The following ANKS1B variants were observed in gnomAD, a reference collection of about 807,000 sequenced individuals.
The protein encoded by ANKS1B is ankyrin repeat and sterile alpha motif domain containing 1B, also known as ankyrin repeat and sterile alpha motif domain-containing protein 1B.
A neutral mutation model predicts 148.3 loss-of-function variants in ANKS1B; 36 were observed. That is an observed-to-expected ratio of 0.24 (90% CI 0.19 to 0.32). The LOEUF is 0.32. Ranked by LOEUF, ANKS1B falls within the 10% of genes least tolerant of loss-of-function variation. The pLI, the probability that ANKS1B is intolerant of heterozygous loss-of-function variation, is 1.00. For synonymous variants in ANKS1B, 542 were observed against 560.8 expected, an observed-to-expected ratio of 0.97 and a Z score of 0.47; for missense variants, 1,157 against 1,542.6, an observed-to-expected ratio of 0.75 and a Z score of 4.19.
intron 14 of ANKS1B, among the ~76,000 whole-genome samples, chr12:99,229,908 C>A (rs1221779125): frequency 6.6e-6 from 1 of 151,874 alleles, no homozygotes; most frequent in Non-Finnish European, 1.5e-5. Flanking sequence ...ATCAAGTAAG[C>A]ATCATTCCTA....
chr12:99,053,371 C>T, intron 16 of ANKS1B, 62 bp from the exon 17 acceptor site: 3 of 1,281,598 alleles, frequency 2.3e-6, no homozygotes, highest in Non-Finnish European at 2.0e-6. Flanking sequence ...CAACAGAATG[C>T]AGATTTCCCC....
intron 9 of ANKS1B, among the ~76,000 whole-genome samples, chr12:99,612,635 A>T (rs2097912696): frequency 1.3e-5 from 2 of 152,090 alleles, no homozygotes; most frequent in Admixed American, 6.6e-5. Context: ...ATGCTTATTT[A>T]ACTTTATTTT....
intron 17 of ANKS1B, among the ~76,000 whole-genome samples, chr12:98,872,533 T>C (rs971721376): frequency 2.6e-5 from 4 of 152,098 alleles, no homozygotes; most frequent in African/African-American, 9.7e-5. Flanking sequence ...AGCTAGAACC[T>C]ATCTCAAAAA....
chr12:99,144,719 A>G (rs571486402), intron 15 of ANKS1B, among the ~76,000 whole-genome samples: 2 of 152,148 alleles, frequency 1.3e-5, no homozygotes, highest in African/African-American at 2.4e-5. Context: ...GGGTCTTTAC[A>G]GACATAATCA....
chr12:99,790,280 A>G (rs1039062126), intron 4 of ANKS1B, among the ~76,000 whole-genome samples: 3 of 152,154 alleles, frequency 2.0e-5, no homozygotes, highest in East Asian at 1.9e-4. Context: ...ATATCCTTCA[A>G]GCATGAAAGA....
intron 8 of ANKS1B, among the ~76,000 whole-genome samples, chr12:99,725,738 C>T (rs1291120463): frequency 6.6e-6 from 1 of 152,096 alleles, no homozygotes; most frequent in Non-Finnish European, 1.5e-5. Flanking sequence ...CTCAAATTGA[C>T]CACAAAATTG....
chr12:98,852,908 T>C (rs1306136417), intron 17 of ANKS1B, among the ~76,000 whole-genome samples: 2 of 152,234 alleles, frequency 1.3e-5, no homozygotes, highest in Non-Finnish European at 2.9e-5. Context: ...ACTCCAAATC[T>C]GTCTTCCTCA....
intron 17 of ANKS1B, among the ~76,000 whole-genome samples, chr12:98,935,457 T>C (rs190294228): frequency 1.4e-4 from 22 of 152,358 alleles, no homozygotes; most frequent in Middle Eastern, 3.4e-3. Context: ...TGTCTTTATC[T>C]GGCTTTGGTA....
At chr12:99,123,950 C>T (rs2063608593) in intron 15 of ANKS1B, among the ~76,000 whole-genome samples, 1 of 152,112 alleles carries the variant, frequency 6.6e-6, no homozygotes, top group Admixed American at 6.6e-5. Flanking sequence ...TTGTAACCAT[C>T]ACAATTGGAG....
At chr12:99,771,111 T>C (rs894864760) in intron 8 of ANKS1B, among the ~76,000 whole-genome samples, 2 of 152,078 alleles carry the variant, frequency 1.3e-5, no homozygotes, top group African/African-American at 2.4e-5. Context: ...GCTTGAATCA[T>C]GGTCTCCAAG....
At chr12:99,802,496 T>C (rs1480395233) in intron 4 of ANKS1B, among the ~76,000 whole-genome samples, 2 of 152,228 alleles carry the variant, frequency 1.3e-5, no homozygotes, top group Non-Finnish European at 2.9e-5. Flanking sequence ...GTAAAGATGA[T>C]ATGAAATTTG....
chr12:99,209,974 A>T (rs2083140365), intron 14 of ANKS1B, among the ~76,000 whole-genome samples: 1 of 152,118 alleles, frequency 6.6e-6, no homozygotes, highest in Non-Finnish European at 1.5e-5. Flanking sequence ...ACACAGAAAC[A>T]TTCCAAGCCT....
At chr12:98,764,169 C>T (rs1202178377) in intron 25 of ANKS1B, among the ~76,000 whole-genome samples, 1 of 152,156 alleles carries the variant, frequency 6.6e-6, no homozygotes, top group Non-Finnish European at 1.5e-5. Flanking sequence ...CAGATTTCAA[C>T]CTCTCCCCTG....
chr12:99,405,318 A>G (rs529110037), intron 11 of ANKS1B, among the ~76,000 whole-genome samples: 2 of 145,082 alleles, frequency 1.4e-5, no homozygotes, highest in East Asian at 3.9e-4. Context: ...TGATAATAAC[A>G]AGTATGAAAA....
At chr12:99,805,262 G>GAAAAA (rs1567880890) in intron 4 of ANKS1B, among the ~76,000 whole-genome samples, 1 of 8,308 alleles carries the variant, frequency 1.2e-4, no homozygotes, top group African/African-American at 5.8e-4. Flanking sequence ...GGAGGAAAAG[G>GAAAAA]CAAAAAAAAA....
At chr12:99,605,505 C>T (rs2097845324) in intron 9 of ANKS1B, among the ~76,000 whole-genome samples, 3 of 152,018 alleles carry the variant, frequency 2.0e-5, no homozygotes, top group South Asian at 4.2e-4. Context: ...CCTTCCCAAC[C>T]TCTGGTAACA....
At chr12:99,449,290 T>C (rs1295152405) in intron 10 of ANKS1B, among the ~76,000 whole-genome samples, 5 of 152,156 alleles carry the variant, frequency 3.3e-5, no homozygotes, top group African/African-American at 4.8e-5. Flanking sequence ...TGCAATCCTG[T>C]TCCGCTGTTA....
intron 17 of ANKS1B, among the ~76,000 whole-genome samples, chr12:98,898,166 T>G (rs1452091814): frequency 6.6e-6 from 1 of 152,046 alleles, no homozygotes; most frequent in Non-Finnish European, 1.5e-5. Flanking sequence ...ATACAACATA[T>G]CCATGTAACA....
At chr12:99,411,990 A>G (rs2094724804) in intron 11 of ANKS1B, among the ~76,000 whole-genome samples, 1 of 152,238 alleles carries the variant, frequency 6.6e-6, no homozygotes, top group Non-Finnish European at 1.5e-5. Flanking sequence ...TACATCAATG[A>G]ACAAATAAGA....
Sources: gnomAD v4.1 joint callset for allele counts (sites outside exome capture counted in the v4.1 genomes callset) on GRCh38, gnomAD v4.1.1 for gene constraint, MANE v1.5 for transcripts, NCBI Gene and HGNC (gene_info 2026-07-23, HGNC 2026-07-21) for gene names.